The following USH1C variants were observed in gnomAD, a reference collection of about 807,000 sequenced individuals.
The protein encoded by USH1C is USH1 protein network component harmonin.
Under a neutral mutation model 119.3 loss-of-function variants are expected in USH1C, and 90 were observed. The observed-to-expected ratio is 0.75, with a 90% CI of 0.64 to 0.90. The LOEUF is 0.90. USH1C is among the 40% of genes least tolerant of loss of function. USH1C has a pLI of 0.00. For synonymous variants in USH1C, 465 were observed against 443.3 expected (o/e 1.05, Z -0.62); for missense variants, 1,165 against 1,167.7 (o/e 1.00, Z 0.03).
At chr11:17,513,868 A>T (rs138581287) in intron 15 of USH1C, among the ~76,000 whole-genome samples, 1 of 152,286 alleles carries the variant, frequency 6.6e-6, no homozygotes, top group African/African-American at 2.4e-5. Context: ...AAGATTATAG[A>T]GTCAGGGCTT....
Position 17,521,326 on chromosome 11 carries a change from C to T in USH1C, c.1085+20G>A, listed in dbSNP as rs763398035. Reference sequence around the variant, plus strand: ...ACACTGATGTTCATGCACAGACACGCGTGGAGCCGAGGTACTCACTGTTCC... The same window carrying T: ...ACACTGATGTTCATGCACAGACACGTGTGGAGCCGAGGTACTCACTGTTCC... On this transcript the variant is annotated intron_variant, in intron 13 of 26. Transcript: ENST00000005226. 48 of 1,613,476 alleles carry T rather than the reference C, an allele frequency of 3.0e-5. No individual in the cohort carries two copies. The highest frequency in any genetic ancestry group is 3.3e-4 in the Middle Eastern group (2 of 6,078).
intron 18 of USH1C, among the ~76,000 whole-genome samples, chr11:17,508,893 A>G (rs1849749332): frequency 6.6e-6 from 1 of 152,194 alleles, no homozygotes; most frequent in Non-Finnish European, 1.5e-5. Flanking sequence ...TCATTTACAG[A>G]GCCAAATACG....
chr11:17,499,522 T>G (rs564223484), intron 23 of USH1C, among the ~76,000 whole-genome samples: 12 of 151,844 alleles, frequency 7.9e-5, no homozygotes, highest in Middle Eastern at 3.4e-3. Flanking sequence ...CCCAGGAGAG[T>G]CACCCATCCA....
rs180973453 is a variant in USH1C, at chr11:17,495,536, A to G, written c.2655+33T>C. On this transcript the variant is annotated intron_variant, in intron 26 of 26. Transcript: ENST00000005226. ...GATGGCCACTGCAAGCAGCAGGGAC[A>G]CACAGGGCCCTGTGGCCCGCCTGCC... 23 of 1,601,924 alleles carry G rather than the reference A, an allele frequency of 1.4e-5. No homozygotes were observed. In the Admixed American group the frequency reaches 3.8e-4, roughly 27 times the overall value.
chr11:17,541,796 A>T (rs1343025673), intron 1 of USH1C, among the ~76,000 whole-genome samples: 1 of 152,234 alleles, frequency 6.6e-6, no homozygotes, highest in African/African-American at 2.4e-5. Context: ...TATCAGCTGG[A>T]AACAGTGTGG....
rs201477351 is a variant in USH1C, at chr11:17,522,969, C to T, written c.877-43G>A. 38 of 1,599,558 alleles carry T rather than the reference C, an allele frequency of 2.4e-5. No individual in the cohort carries two copies. In the African/African-American group the frequency reaches 4.8e-4, roughly 20 times the overall value. On this transcript the variant is annotated intron_variant, in intron 11 of 26. Coordinates refer to ENST00000005226, the MANE Select transcript of USH1C (RefSeq NM_153676.4). ...GCCCCTTGCTCAGCCCCCGGGGAAC[C>T]TGGGGATCCCCTGACACACCCCTGG...
In USH1C at chr11:17,498,135, G is replaced by A. The variant is rs559980770; in HGVS notation, c.2490+27C>T. The A allele has an allele frequency of 6.2e-6, 10 of 1,603,110 alleles. No homozygotes were observed. The South Asian group carries it at 9.9e-5, about 16-fold the overall frequency. On this transcript the variant is annotated intron_variant, in intron 24 of 26. Coordinates refer to ENST00000005226, the MANE Select transcript of USH1C (RefSeq NM_153676.4). ...GGTTTGAGGCAGGCAGGTGAGGGAG[G>A]AAAGGAGGGAGGGGCCTTATTCTTA...
chr11:17,510,580 G>T, intron 16 of USH1C, 59 bp from the exon 17 acceptor site: 1 of 1,268,698 alleles, frequency 7.9e-7, no homozygotes, highest in Non-Finnish European at 1.2e-6. Flanking sequence ...AATAACATGT[G>T]GATAGAAATA....
intron 17 of USH1C, 54 bp from the exon 18 acceptor site, chr11:17,509,892 TCA>T (rs1038213963): frequency 4.1e-5 from 64 of 1,553,350 alleles, no homozygotes; most frequent in Non-Finnish European, 5.5e-5. Context: ...GAGCTCCACT[TCA>T]CAATACAGCG....
intron 14 of USH1C, among the ~76,000 whole-genome samples, chr11:17,520,358 C>G (rs1232793900): frequency 6.6e-6 from 1 of 152,146 alleles, no homozygotes; most frequent in African/African-American, 2.4e-5. Flanking sequence ...CTGTTCCTGC[C>G]TCCATCCTTG....
intron 26 of USH1C, 80 bp downstream of exon 26, chr11:17,495,489 C>A: frequency 1.4e-6 from 2 of 1,431,192 alleles, no homozygotes; most frequent in Non-Finnish European, 2.0e-6. Flanking sequence ...GTCCAAAGAA[C>A]CTGCTGACAG....
At chr11:17,511,077 C>G (rs1324067731) in intron 16 of USH1C, among the ~76,000 whole-genome samples, 4 of 152,106 alleles carry the variant, frequency 2.6e-5, no homozygotes, top group Non-Finnish European at 4.4e-5. Flanking sequence ...ACAATGATAC[C>G]TCCTACAGCT....
intron 1 of USH1C, chr11:17,533,933 C>T: frequency 6.5e-6 from 2 of 306,200 alleles, no homozygotes; most frequent in Non-Finnish European, 6.7e-6. Context: ...GGCCCCTGCA[C>T]AAGCCCCGCA....
rs549628785 is a variant in USH1C, at chr11:17,509,670, G to A, written c.1699C>T (p.Pro567Ser). 6.3e-7 allele frequency: 1 copy of A among 1,595,844 alleles called. No homozygotes were observed. Among genetic ancestry groups the A allele is most frequent in the Non-Finnish European group, 8.5e-7 (1 of 1,177,254 alleles). Residue 567 changes from proline to serine, a missense_variant, in exon 18 of 27, where the codon CCT becomes TCT. Pro to Ser is a moderately conservative substitution (Grantham distance 74). Transcript: ENST00000005226. Reference sequence around the variant, plus strand: ...TTGTGGGGTGGGTTGGAGGGTGGAGGGTGGGGCATCACAGGCAAGGCAGAG... The same window carrying A: ...TTGTGGGGTGGGTTGGAGGGTGGAGAGTGGGGCATCACAGGCAAGGCAGAG... ...TPSALPVMPH[P>S]PPSNPPHKVP...
rs766806981 is a variant in USH1C at position 17,496,760 on chromosome 11, CTCA to C, written c.2541_2543del (p.Asp847del). ...GCTAGGTGCTTGCACACACTTACAG[CTCA>C]TCGTCATACTCCTTTGGGGGGCAGA... On this transcript the variant is annotated inframe_deletion, in exon 25 of 27. Transcript: ENST00000005226. 1.2e-6 allele frequency: 2 copies of C among 1,614,216 alleles called. No homozygotes were observed. The highest frequency in any genetic ancestry group is 2.2e-5 in the South Asian group (2 of 91,088).
intron 24 of USH1C, among the ~76,000 whole-genome samples, chr11:17,497,459 C>A (rs564207921): frequency 6.6e-6 from 1 of 152,360 alleles, no homozygotes; most frequent in African/African-American, 2.4e-5. Context: ...AGAGAGAACA[C>A]TTCTGCTCCC....
rs1851607928 is a variant in USH1C, at chr11:17,544,314, G to T, written c.-7C>A. 1.9e-6 allele frequency: 3 copies of T among 1,614,010 alleles called. No homozygotes were observed. Among genetic ancestry groups the T allele is most frequent in the Non-Finnish European group, 2.5e-6 (3 of 1,179,972 alleles). ...GGGCCACTTTTCGGTCCATGGCTGGGCCAGGTCCAGCTGCGTCGTTGCACG... is the reference window on the plus strand; with the variant it reads ...GGGCCACTTTTCGGTCCATGGCTGGTCCAGGTCCAGCTGCGTCGTTGCACG... On this transcript the variant is annotated 5_prime_UTR_variant, in exon 1 of 27. Transcript: ENST00000005226.
chr11:17,537,377 C>T (rs1376677857), intron 1 of USH1C, among the ~76,000 whole-genome samples: 1 of 152,158 alleles, frequency 6.6e-6, no homozygotes, highest in Non-Finnish European at 1.5e-5. Context: ...CCTTTCTTCC[C>T]TTCCTTCCAA....
intron 1 of USH1C, among the ~76,000 whole-genome samples, chr11:17,539,823 C>T (rs2133955441): frequency 1.4e-5 from 2 of 140,642 alleles, no homozygotes. Context: ...GTTTCTGTTT[C>T]TTTCTTTTTC....
Sources: gnomAD v4.1 joint callset for allele counts (sites outside exome capture counted in the v4.1 genomes callset) on GRCh38, gnomAD v4.1.1 for gene constraint, MANE v1.5 for transcripts, NCBI Gene and HGNC (gene_info 2026-07-23, HGNC 2026-07-21) for gene names.